Variants in NPR3 observed in about 807,000 individuals in gnomAD.
NPR3 encodes the protein natriuretic peptide receptor 3.
In NPR3, 34 loss-of-function variants were observed where a neutral mutation model predicts 54.5. That is an observed-to-expected ratio of 0.62 (90% CI 0.47 to 0.83). NPR3 has a LOEUF of 0.83. Among genes scored for constraint, NPR3 ranks in the 40% least tolerant of loss-of-function variants. The pLI is 0.00. For synonymous variants in NPR3, 289 were observed against 297.1 expected (o/e 0.97, Z 0.28); for missense variants, 674 against 720.8 (o/e 0.94, Z 0.74).
chr5:32,715,793 G>A (rs897353456), intron 1 of NPR3, among the ~76,000 whole-genome samples: 8 of 152,024 alleles, frequency 5.3e-5, no homozygotes, highest in Non-Finnish European at 1.2e-4. Context: ...GTATCCTAAC[G>A]CAAATGTTTT....
rs756542755 is a variant in NPR3, at chr5:32,711,893, C to T, written c.117C>T (p.Gly39=). 6.8e-7 allele frequency: 1 copy of T among 1,475,322 alleles called. No individual in the cohort carries two copies. The highest frequency in any genetic ancestry group is 9.0e-7 in the Non-Finnish European group (1 of 1,114,732). The allele number at this position is 1,475,322 out of a possible 1,614,324, so 91.4% of individuals were successfully genotyped here. ...GCGGCGGCGGTGGCGCGGGCATAGG[C>T]GGCGGACGCCAGGAGAGAGAGGCGC... ...VGGGGGGAGI[G]GGRQEREALP... Residue 39 remains glycine, a synonymous_variant, in exon 1 of 8, where the codon GGC becomes GGT. Coordinates refer to ENST00000265074, the MANE Select transcript of NPR3 (RefSeq NM_001204375.2).
intron 3 of NPR3, among the ~76,000 whole-genome samples, chr5:32,773,065 G>A (rs1052008292): frequency 6.6e-6 from 1 of 152,154 alleles, no homozygotes; most frequent in Non-Finnish European, 1.5e-5. Flanking sequence ...TCTGAACCAG[G>A]TGATGCAGAA....
At chr5:32,716,628 A>G in intron 1 of NPR3, 1 of 262,724 alleles carries the variant, frequency 3.8e-6, no homozygotes, top group South Asian at 4.2e-5. Flanking sequence ...CATCTCTTAC[A>G]CAATATTTTT....
chr5:32,745,774 A>G (rs949430209), intron 3 of NPR3, among the ~76,000 whole-genome samples: 1 of 152,118 alleles, frequency 6.6e-6, no homozygotes, highest in Non-Finnish European at 1.5e-5. Context: ...TCTGGCTAGG[A>G]CTTCATCTCC....
intron 1 of NPR3, among the ~76,000 whole-genome samples, chr5:32,723,332 C>G (rs1302557260): frequency 6.6e-6 from 1 of 152,144 alleles, no homozygotes; most frequent in Non-Finnish European, 1.5e-5. Flanking sequence ...CTGTGTAGCC[C>G]TTATGTGGTA....
chr5:32,695,667 C>T lies in NPR3; in HGVS notation c.100+6481C>T, dbSNP rs113126743. Among the ~76,000 whole-genome samples, 700 of 152,342 alleles carry T rather than the reference C, an allele frequency of 4.6e-3. 6 individuals are homozygous for T. Among genetic ancestry groups the T allele is most frequent in the African/African-American group, 0.016 (670 of 41,586 alleles). ...GTGTACAAGAGTTCCCTTTTCTTCA[C>T]TTACTCACCAGCATTTGTTATTGCC... On this transcript the variant is annotated intron_variant, in intron 1 of 5. Coordinates refer to the NPR3 transcript ENST00000509104.
chr5:32,707,450 A>AT (rs892498614), upstream of NPR3, among the ~76,000 whole-genome samples: 9 of 152,188 alleles, frequency 5.9e-5, no homozygotes, highest in East Asian at 1.3e-3. Context: ...GCATCCATTG[A>AT]TTTTTTTTCC....
intron 3 of NPR3, among the ~76,000 whole-genome samples, chr5:32,772,421 C>A (rs1424886985): frequency 1.3e-5 from 2 of 151,988 alleles, no homozygotes; most frequent in Admixed American, 1.3e-4. Flanking sequence ...CCAAACTCTC[C>A]TGCAAATCAG....
chr5:32,710,660 G>A (rs748404756), upstream of NPR3: 2 of 1,507,914 alleles, frequency 1.3e-6, no homozygotes, highest in Non-Finnish European at 1.8e-6. Context: ...CACCAGGTCC[G>A]CGATGGAGCC....
chr5:32,712,979 AG>A (rs1382034797), intron 1 of NPR3: 1 of 161,336 alleles, frequency 6.2e-6, no homozygotes. Context: ...TTAGTGCGGA[AG>A]CGTCCGCGGA....
intron 3 of NPR3, among the ~76,000 whole-genome samples, chr5:32,760,299 C>A (rs1327168484): frequency 6.6e-6 from 1 of 152,164 alleles, no homozygotes; most frequent in Non-Finnish European, 1.5e-5. Context: ...AAAGTAGTAT[C>A]ATTTTACATT....
At position 32,745,153 on chromosome 5, in the gene NPR3, C is replaced by T. The variant is rs80131581; in HGVS notation, c.1059+6123C>T. ...TCTTATGCTTAGACCTTATTGGGTACACAAAGCGAAGTATTCAGTTTCAAT... is the reference window on the plus strand; with the variant it reads ...TCTTATGCTTAGACCTTATTGGGTATACAAAGCGAAGTATTCAGTTTCAAT... On this transcript the variant is annotated intron_variant, in intron 3 of 7. Coordinates refer to ENST00000265074, the MANE Select transcript of NPR3 (RefSeq NM_001204375.2). 6.1e-3 allele frequency among the ~76,000 whole-genome samples: 933 copies of T among 152,152 alleles called. 22 individuals are homozygous for T. Among genetic ancestry groups the T allele is most frequent in the East Asian group, 0.055 (284 of 5,190 alleles).
chr5:32,740,759 C>T (rs1459136325), intron 3 of NPR3, among the ~76,000 whole-genome samples: 2 of 152,140 alleles, frequency 1.3e-5, no homozygotes, highest in African/African-American at 2.4e-5. Flanking sequence ...TGATTTTACA[C>T]TTACAGTGTG....
At position 32,711,875 on chromosome 5, in the gene NPR3, C is replaced by A. The variant is rs1239390735; in HGVS notation, c.99C>A (p.Gly33=). Residue 33 remains glycine (G), a synonymous_variant, in exon 1 of 8, where the codon GGC becomes GGA. Transcript: ENST00000265074. ...GTGGGGVGGG[G]GGAGIGGGRQ... is the part of the protein sequence containing the mutation. ...GTGGCGGTGGCGTTGGCGGCGGCGGCGGTGGCGCGGGCATAGGCGGCGGAC... is the reference window on the plus strand; with the variant it reads ...GTGGCGGTGGCGTTGGCGGCGGCGGAGGTGGCGCGGGCATAGGCGGCGGAC... 6.9e-6 allele frequency: 10 copies of A among 1,458,948 alleles called. No individual in the cohort carries two copies. The African/African-American group carries it at 1.2e-4, about 17-fold the overall frequency. 90.4% of individuals were successfully genotyped at this position (1,458,948 alleles called of 1,614,324 possible).
intron 1 of NPR3, among the ~76,000 whole-genome samples, chr5:32,692,540 A>G (rs1264692743): frequency 1.3e-5 from 2 of 152,254 alleles, no homozygotes; most frequent in Non-Finnish European, 2.9e-5. Flanking sequence ...TTGATGTTAC[A>G]ATATGATTAC....
chr5:32,762,950 T>A (rs1741255247), intron 3 of NPR3, among the ~76,000 whole-genome samples: 1 of 152,164 alleles, frequency 6.6e-6, no homozygotes, highest in African/African-American at 2.4e-5. Context: ...TCTTCTAGGG[T>A]TTTTATAGTT....
chr5:32,693,987 CT>C (rs1370944435), intron 1 of NPR3, among the ~76,000 whole-genome samples: 1 of 152,194 alleles, frequency 6.6e-6, no homozygotes, highest in East Asian at 1.9e-4. Flanking sequence ...TTCACCCTTT[CT>C]TTTCTCGTTG....
At chr5:32,743,571 C>T (rs1272553831) in intron 3 of NPR3, among the ~76,000 whole-genome samples, 1 of 152,152 alleles carries the variant, frequency 6.6e-6, no homozygotes, top group Non-Finnish European at 1.5e-5. Flanking sequence ...CATTTCTGCA[C>T]TCCTAGAATA....
chr5:32,728,774 C>A (rs888793935), intron 2 of NPR3, among the ~76,000 whole-genome samples: 23 of 138,250 alleles, frequency 1.7e-4, no homozygotes, highest in African/African-American at 5.6e-4. Context: ...TTGGTATTAA[C>A]GTGCTTCAGA....
Sources: allele counts gnomAD v4.1 joint callset (sites outside exome capture counted in the v4.1 genomes callset), GRCh38; gene constraint gnomAD v4.1.1; transcripts MANE v1.5; gene names NCBI Gene and HGNC (gene_info 2026-07-23, HGNC 2026-07-21).